The following SPECC1L variants were observed in gnomAD, a reference collection of about 807,000 sequenced individuals.
SPECC1L encodes the protein sperm antigen with calponin homology and coiled-coil domains 1 like.
Under a neutral mutation model 116.8 loss-of-function variants are expected in SPECC1L, and 40 were observed. The observed-to-expected ratio is 0.34, with a 90% CI of 0.27 to 0.45. SPECC1L has a LOEUF of 0.45. SPECC1L is among the 20% of genes least tolerant of loss of function. SPECC1L has a pLI of 1.00. For missense variants in SPECC1L, 1,110 were observed against 1,373.6 expected (o/e 0.81, Z 3.03); for synonymous variants, 504 against 500.6 (o/e 1.01, Z -0.09).
rs908145719 is a variant in SPECC1L at position 24,415,163 on chromosome 22, C to A, written c.*540C>A. 14 of 182,454 alleles carry A rather than the reference C, an allele frequency of 7.7e-5. No individual in the cohort carries two copies. The highest frequency in any genetic ancestry group is 1.2e-4 in the Non-Finnish European group (10 of 84,518). The allele number at this position is 182,454 out of a possible 1,614,324, so 11.3% of individuals were successfully genotyped here. A position where few individuals can be genotyped will look rare whatever the true frequency, so the allele number is the denominator to read the frequency against. ...CATGTTCACCACAGACGTGGGTCAG[C>A]TGCCCCACACCTGACGGGGCTGTCC... On this transcript the variant is annotated 3_prime_UTR_variant, in exon 17 of 17. Transcript: ENST00000314328.
At chr22:24,405,795 C>T (rs887852825) in intron 14 of SPECC1L, among the ~76,000 whole-genome samples, 7 of 150,836 alleles carry the variant, frequency 4.6e-5, no homozygotes, top group Admixed American at 1.3e-4. Context: ...TTCGAGATTG[C>T]GCCACAGCAC....
intron 2 of SPECC1L, among the ~76,000 whole-genome samples, chr22:24,295,933 A>C (rs1393545053): frequency 6.6e-6 from 1 of 152,170 alleles, no homozygotes. Context: ...GGGGGAGAAG[A>C]GCAAGACTTC....
chr22:24,302,283 A>C lies in SPECC1L; in HGVS notation c.52A>C (p.Ser18Arg). The change falls in exon 3 of 17, where the codon AGT becomes CGT. Residue 18 changes from serine (S) to arginine (R), a missense_variant. This residue lies in a region of SPECC1L where 437 missense variants were observed against 482.6 expected (regional missense o/e 0.91). Coordinates refer to ENST00000314328, the MANE Select transcript of SPECC1L (RefSeq NM_015330.6). The stretch of plus-strand genomic sequence containing the variant: ...CTCAGTGCCTAAAGTGTCTGCAATA[A>C]GTAAAACGCAAACAGCAGAAAAAAT... ...VGSVPKVSAISKTQTAEKIKP... is the reference protein window; with the variant it reads ...VGSVPKVSAIRKTQTAEKIKP... The C allele has an allele frequency of 6.2e-7, 1 of 1,614,224 alleles. No homozygotes were observed. The highest frequency in any genetic ancestry group is 8.5e-7 in the Non-Finnish European group (1 of 1,180,038).
intron 14 of SPECC1L, among the ~76,000 whole-genome samples, chr22:24,396,521 C>G (rs2042372416): frequency 6.6e-6 from 1 of 152,184 alleles, no homozygotes; most frequent in Non-Finnish European, 1.5e-5. Context: ...TGGTCTCGAA[C>G]TCCTGACCTC....
At chr22:24,396,988 A>C (rs1269527652) in intron 14 of SPECC1L, among the ~76,000 whole-genome samples, 1 of 152,232 alleles carries the variant, frequency 6.6e-6, no homozygotes, top group East Asian at 1.9e-4. Flanking sequence ...TCCTGTCGTC[A>C]CTTTCTTCCA....
intron 14 of SPECC1L, among the ~76,000 whole-genome samples, chr22:24,398,207 C>T (rs1410994376): frequency 6.6e-6 from 1 of 152,224 alleles, no homozygotes; most frequent in Non-Finnish European, 1.5e-5. Flanking sequence ...GGAATCAACA[C>T]CATCTCAGGG....
intron 6 of SPECC1L, among the ~76,000 whole-genome samples, chr22:24,325,162 GTAGTAGTTCTTT>G (rs2040793125): frequency 6.6e-6 from 1 of 152,198 alleles, no homozygotes; most frequent in Admixed American, 6.5e-5. Flanking sequence ...GAAGATCATA[GTAGTAGTTCTTT>G]TCCTTGGTCG....
rs4049938 is a variant in SPECC1L at position 24,293,474 on chromosome 22, G to A, written c.-37-8721G>A. 8.4e-3 allele frequency among the ~76,000 whole-genome samples: 1,115 copies of A among 132,202 alleles called. 5 individuals are homozygous for A. The highest frequency in any genetic ancestry group is 0.02 in the South Asian group (81 of 4,116). 86.7% of individuals were successfully genotyped at this position (132,202 alleles called of 152,430 possible). A position where few individuals can be genotyped will look rare whatever the true frequency, so the allele number is the denominator to read the frequency against. ...CTCCAAAACAAAAAATAAAAGGGGG[G>A]AAAAAGAGAACAGTAGCTTAGCAGC... On this transcript the variant is annotated intron_variant, in intron 2 of 16. Coordinates refer to ENST00000314328, the MANE Select transcript of SPECC1L (RefSeq NM_015330.6).
chr22:24,279,001 C>T (rs568811693), intron 2 of SPECC1L, among the ~76,000 whole-genome samples: 2 of 152,132 alleles, frequency 1.3e-5, no homozygotes, highest in Non-Finnish European at 2.9e-5. Context: ...ACACTCTTCA[C>T]AAAAGGATGA....
chr22:24,303,021 A>C (rs2049413411), intron 3 of SPECC1L, among the ~76,000 whole-genome samples: 1 of 147,376 alleles, frequency 6.8e-6, no homozygotes, highest in African/African-American at 2.7e-5. Flanking sequence ...TTTTAAATAG[A>C]TGAGATCTAT....
intron 14 of SPECC1L, among the ~76,000 whole-genome samples, chr22:24,381,605 C>T (rs1426364345): frequency 1.3e-5 from 2 of 152,078 alleles, no homozygotes; most frequent in African/African-American, 2.4e-5. Flanking sequence ...TAATAATTGC[C>T]GGGGCGTGGT....
At chr22:24,313,851 G>C (rs1457794871) in intron 4 of SPECC1L, among the ~76,000 whole-genome samples, 1 of 150,678 alleles carries the variant, frequency 6.6e-6, no homozygotes, top group Admixed American at 6.6e-5. Flanking sequence ...CGATTCTCCT[G>C]CCTCAGCCTC....
At chr22:24,365,417 C>T in intron 12 of SPECC1L, 59 bp from the exon 13 acceptor site, 1 of 1,542,708 alleles carries the variant, frequency 6.5e-7, no homozygotes, top group Non-Finnish European at 8.9e-7. Context: ...AAAAAAAAAT[C>T]TCAAGAACTC....
Position 24,322,026 on chromosome 22 carries a change from G to A in SPECC1L, c.1046G>A (p.Cys349Tyr). 3 of 1,614,178 alleles carry A rather than the reference G, an allele frequency of 1.9e-6. No homozygotes were observed. The highest frequency in any genetic ancestry group is 2.5e-6 in the Non-Finnish European group (3 of 1,180,034). Residue 349 changes from cysteine (C) to tyrosine (Y), a missense_variant, in exon 5 of 17, where the codon TGC becomes TAC. Cys to Tyr is a radical substitution (Grantham distance 194). This residue lies in a region of SPECC1L where 437 missense variants were observed against 482.6 expected (regional missense o/e 0.91). Coordinates refer to ENST00000314328, the MANE Select transcript of SPECC1L (RefSeq NM_015330.6). ...TCCATGGACAATTTAGACAGTGAGT[G>A]CAGTGAGGTCTACCAGCCCCTCACA... The part of the protein sequence containing the change: ...SNSMDNLDSE[C>Y]SEVYQPLTSS...
chr22:24,327,273 G>A (rs1260104880), intron 6 of SPECC1L, among the ~76,000 whole-genome samples: 8 of 81,866 alleles, frequency 9.8e-5, no homozygotes, highest in African/African-American at 1.5e-4. Context: ...TTGAGACTCC[G>A]TCTCAAAAAA....
intron 9 of SPECC1L, among the ~76,000 whole-genome samples, chr22:24,338,173 A>G (rs1275746760): frequency 6.6e-6 from 1 of 152,188 alleles, no homozygotes; most frequent in East Asian, 1.9e-4. Context: ...AAGCATGACT[A>G]CTCTACAGAT....
chr22:24,304,027 G>A (rs904968495), intron 3 of SPECC1L, among the ~76,000 whole-genome samples: 15 of 151,928 alleles, frequency 9.9e-5, no homozygotes, highest in African/African-American at 3.6e-4. Flanking sequence ...GAAGAAAATA[G>A]TGGGAAAAAA....
intron 10 of SPECC1L, 36 bp downstream of exon 10, chr22:24,338,513 T>C: frequency 1.3e-6 from 2 of 1,594,540 alleles, no homozygotes; most frequent in Non-Finnish European, 1.7e-6. Flanking sequence ...TCTTAGAGCC[T>C]CAGAATCTGA....
At chr22:24,398,789 A>G (rs1385963756) in intron 14 of SPECC1L, among the ~76,000 whole-genome samples, 1 of 152,092 alleles carries the variant, frequency 6.6e-6, no homozygotes, top group Non-Finnish European at 1.5e-5. Flanking sequence ...CAGTTCCCCT[A>G]AAGAGGCCAG....
Sources: allele counts gnomAD v4.1 joint callset (sites outside exome capture counted in the v4.1 genomes callset), GRCh38; gene constraint gnomAD v4.1.1; regional missense constraint gnomAD v4.1.1; transcripts MANE v1.5; gene names NCBI Gene and HGNC (gene_info 2026-07-23, HGNC 2026-07-21).